Variants in AGAP1 observed in about 807,000 individuals in gnomAD.
AGAP1 encodes arf-GAP with GTPase, ANK repeat and PH domain-containing protein 1.
In AGAP1, 29 loss-of-function variants were observed where a neutral mutation model predicts 105.3. That is an observed-to-expected ratio of 0.28 (90% CI 0.21 to 0.38). The LOEUF (loss-of-function observed/expected upper bound fraction) is 0.38, where lower values mean the gene tolerates loss of function less well. AGAP1 is among the 10% of genes least tolerant of loss of function. The pLI is 1.00. For synonymous variants in AGAP1, 509 were observed against 485.9 expected, an observed-to-expected ratio of 1.05 and a Z score of -0.63; for missense variants, 998 against 1,165.1, an observed-to-expected ratio of 0.86 and a Z score of 2.09.
At position 235,754,959 on chromosome 2, in the gene AGAP1, C is replaced by G. The variant is rs1042333916; in HGVS notation, c.673+4471C>G. Among the ~76,000 whole-genome samples the G allele has an allele frequency of 2.6e-5, 4 of 152,202 alleles. No homozygotes were observed. Among genetic ancestry groups the G allele is most frequent in the Admixed American group, 6.5e-5 (1 of 15,282 alleles). On this transcript the variant is annotated intron_variant, in intron 6 of 17. Transcript: ENST00000304032. The surrounding 1 kb of genome is among the most constrained non-coding windows in gnomAD (Gnocchi z 4.6). ...GAGCGTTCTCGCTCCTGCTCACAGG[C>G]GAGTTTGTGTGGCTTGCGGGGCTGG...
Position 236,087,700 on chromosome 2 carries a change from G to T in AGAP1, c.2115-32492G>T, listed in dbSNP as rs151178005. Among the ~76,000 whole-genome samples the T allele has an allele frequency of 2.3e-3, 352 of 152,288 alleles. 2 individuals are homozygous for T. Among genetic ancestry groups the T allele is most frequent in the African/African-American group, 7.3e-3 (302 of 41,560 alleles). ...AATAGTCTCATAAGCCATGTAAGTG[G>T]CCTTATTGGTTAAGTGACAACCGGG... On this transcript the variant is annotated intron_variant, in intron 16 of 17. Coordinates refer to ENST00000304032, the MANE Select transcript of AGAP1 (RefSeq NM_001037131.3). This position sits in a 1 kb window ranked among gnomAD's most constrained non-coding sequence, Gnocchi z 5.7.
chr2:235,786,810 G>C (rs1044471874), intron 6 of AGAP1, among the ~76,000 whole-genome samples: 1 of 152,166 alleles, frequency 6.6e-6, no homozygotes, highest in African/African-American at 2.4e-5. Flanking sequence ...CATTAATAAG[G>C]TCCTGAAGAA....
chr2:236,004,911 A>G (rs1486145620), intron 13 of AGAP1, among the ~76,000 whole-genome samples: 1 of 152,238 alleles, frequency 6.6e-6, no homozygotes, highest in East Asian at 1.9e-4. Flanking sequence ...TCTAGCCTTT[A>G]ACTTGGCAGT....
At position 235,633,270 on chromosome 2, in the gene AGAP1, G is replaced by A. The variant is rs1013289772; in HGVS notation, c.164-75909G>A. 2.0e-5 allele frequency among the ~76,000 whole-genome samples: 3 copies of A among 152,128 alleles called. No individual in the cohort carries two copies. The highest frequency in any genetic ancestry group is 6.5e-5 in the Admixed American group (1 of 15,270). Reference sequence around the variant, plus strand: ...TGTGCCTTGGTTCCATGACTTGGGGGCAGCCAAGTAGAAGTGGAATTGGAC... The same window carrying A: ...TGTGCCTTGGTTCCATGACTTGGGGACAGCCAAGTAGAAGTGGAATTGGAC... On this transcript the variant is annotated intron_variant, in intron 1 of 17. Transcript: ENST00000304032. The surrounding 1 kb of genome is among the most constrained non-coding windows in gnomAD (Gnocchi z 4.8).
chr2:235,915,516 A>G (rs1267241828), intron 11 of AGAP1, among the ~76,000 whole-genome samples: 1 of 152,048 alleles, frequency 6.6e-6, no homozygotes, highest in Non-Finnish European at 1.5e-5. Context: ...CTGTCTTTAC[A>G]AAAAATGCAA....
rs1945784274 is a variant in AGAP1, at chr2:235,603,015, TC to T, written c.164-106163del. 2.6e-5 allele frequency among the ~76,000 whole-genome samples: 4 copies of T among 152,272 alleles called. 1 individual carries two copies. The South Asian group carries it at 8.3e-4, about 32-fold the overall frequency. On this transcript the variant is annotated intron_variant, in intron 1 of 17. Transcript: ENST00000304032. ...CCGTGCCTGGCCCATCGGACACACT[TC>T]TTACTGATATGGTTTGGCTGTGTCC...
chr2:235,893,987 C>T lies in AGAP1; in HGVS notation c.1155+10538C>T, dbSNP rs923129365. Among the ~76,000 whole-genome samples the T allele has an allele frequency of 1.3e-5, 2 of 152,086 alleles. No individual in the cohort carries two copies. The highest frequency in any genetic ancestry group is 2.1e-4 in the South Asian group (1 of 4,824). Reference sequence around the variant, plus strand: ...GGTTGGGTGAACACACACACACACACGTAATCACTGCCTCACGTGGCATTA... The same window carrying T: ...GGTTGGGTGAACACACACACACACATGTAATCACTGCCTCACGTGGCATTA... On this transcript the variant is annotated intron_variant, in intron 10 of 17. Transcript: ENST00000304032. This position sits in a 1 kb window ranked among gnomAD's most constrained non-coding sequence, Gnocchi z 4.7.
intron 9 of AGAP1, among the ~76,000 whole-genome samples, chr2:235,827,353 G>C (rs537978334): frequency 2.6e-5 from 4 of 152,278 alleles, no homozygotes; most frequent in African/African-American, 9.6e-5. Context: ...CACAGCTCCT[G>C]ACCCACGTGG....
At chr2:235,542,690 T>C (rs781282258) in intron 1 of AGAP1, among the ~76,000 whole-genome samples, 2 of 152,228 alleles carry the variant, frequency 1.3e-5, no homozygotes, top group Non-Finnish European at 2.9e-5. Context: ...TCATAAAAAG[T>C]TGATTTTCTT....
chr2:235,714,830 G>T lies in AGAP1; in HGVS notation c.223-2727G>T, dbSNP rs1033635373. Among the ~76,000 whole-genome samples the T allele has an allele frequency of 6.6e-6, 1 of 152,012 alleles. No individual in the cohort carries two copies. The highest frequency in any genetic ancestry group is 1.5e-5 in the Non-Finnish European group (1 of 67,992). On this transcript the variant is annotated intron_variant, in intron 2 of 17. Transcript: ENST00000304032. This position sits in a 1 kb window ranked among gnomAD's most constrained non-coding sequence, Gnocchi z 4.1. ...TTGTTTTGTTTTGAGACAGAGTCTC[G>T]CTCTGTCACCCAGGCTGGAGTCCAG... is the stretch of plus-strand genomic sequence containing the variant.
intron 1 of AGAP1, among the ~76,000 whole-genome samples, chr2:235,516,240 T>C (rs1390194665): frequency 1.3e-5 from 2 of 152,160 alleles, no homozygotes; most frequent in Non-Finnish European, 2.9e-5. Context: ...CCCCAGTAAA[T>C]GCTTGCAGAA....
In AGAP1 at chr2:236,114,407, G is replaced by A. The variant is rs1417904822; in HGVS notation, c.2115-5785G>A. ...TGTCCCTTGGTCATATGTGACTTGCGTATGGAGACGCTAGTGAGAAAGATG... is the reference window on the plus strand; with the variant it reads ...TGTCCCTTGGTCATATGTGACTTGCATATGGAGACGCTAGTGAGAAAGATG... On this transcript the variant is annotated intron_variant, in intron 16 of 17. Coordinates refer to ENST00000304032, the MANE Select transcript of AGAP1 (RefSeq NM_001037131.3). This position sits in a 1 kb window ranked among gnomAD's most constrained non-coding sequence, Gnocchi z 5.0. 3.3e-5 allele frequency among the ~76,000 whole-genome samples: 5 copies of A among 152,344 alleles called. No homozygotes were observed. The highest frequency in any genetic ancestry group is 2.1e-4 in the South Asian group (1 of 4,830).
chr2:236,007,336 G>A (rs1042090610), intron 13 of AGAP1, among the ~76,000 whole-genome samples: 1 of 152,206 alleles, frequency 6.6e-6, no homozygotes, highest in African/African-American at 2.4e-5. Flanking sequence ...CATATAAGAG[G>A]AGCATGATTG....
rs1377244246 is a variant in AGAP1, at chr2:235,705,598, C to T, written c.164-3581C>T. Among the ~76,000 whole-genome samples, 2 of 152,108 alleles carry T rather than the reference C, an allele frequency of 1.3e-5. No individual in the cohort carries two copies. The highest frequency in any genetic ancestry group is 2.4e-5 in the African/African-American group (1 of 41,416). On this transcript the variant is annotated intron_variant, in intron 1 of 17. Transcript: ENST00000304032. The surrounding 1 kb of genome is among the most constrained non-coding windows in gnomAD (Gnocchi z 4.9). ...ACTATTTTGGTATGCATGGCTTTCG[C>T]GAATGTTTTGTTAATTTTCGTTTAG...
intron 1 of AGAP1, among the ~76,000 whole-genome samples, chr2:235,694,265 G>T (rs1004566012): frequency 6.7e-6 from 1 of 149,640 alleles, no homozygotes; most frequent in Non-Finnish European, 1.5e-5. Flanking sequence ...GGATCATGGG[G>T]TCAGGAGATC....
intron 1 of AGAP1, among the ~76,000 whole-genome samples, chr2:235,563,695 G>C (rs770208783): frequency 9.9e-5 from 15 of 152,280 alleles, no homozygotes; most frequent in Admixed American, 5.2e-4. Flanking sequence ...GTATTCTCTT[G>C]ATTCTAATGA....
intron 9 of AGAP1, among the ~76,000 whole-genome samples, chr2:235,816,126 ATAC>A (rs1477500753): frequency 6.6e-6 from 1 of 152,188 alleles, no homozygotes; most frequent in Non-Finnish European, 1.5e-5. Context: ...AGATAGCTAT[ATAC>A]TCACTTCATT....
chr2:235,773,136 G>A (rs1253873680), intron 6 of AGAP1, among the ~76,000 whole-genome samples: 1 of 152,192 alleles, frequency 6.6e-6, no homozygotes, highest in Non-Finnish European at 1.5e-5. Flanking sequence ...CACAGGGTGG[G>A]AGCAGCCGGA....
chr2:235,706,165 A>T (rs1197097967), intron 1 of AGAP1, among the ~76,000 whole-genome samples: 1 of 152,212 alleles, frequency 6.6e-6, no homozygotes, highest in Non-Finnish European at 1.5e-5. Context: ...AAATTTTACC[A>T]GAAATAGTCT....
Sources: allele counts gnomAD v4.1 joint callset (sites outside exome capture counted in the v4.1 genomes callset), GRCh38; gene constraint gnomAD v4.1.1; non-coding constraint Gnocchi (gnomAD v3.1); transcripts MANE v1.5; gene names NCBI Gene and HGNC (gene_info 2026-07-23, HGNC 2026-07-21).